The following BCL2L1 variants were observed in gnomAD, a reference collection of about 807,000 sequenced individuals.
BCL2L1 encodes bcl-2-like protein 1.
In BCL2L1, 1 loss-of-function variant was observed where a neutral mutation model predicts 18.7. That is an observed-to-expected ratio of 0.05 (90% confidence interval 0.02 to 0.25). The LOEUF is 0.25. Ranked by LOEUF, BCL2L1 falls within the 10% of genes least tolerant of loss-of-function variation. The probability of loss-of-function intolerance (pLI) is 1.00; values close to 1 mark genes in which losing one functional copy is unlikely to be tolerated. For synonymous variants in BCL2L1, 103 were observed against 122.7 expected, an observed-to-expected ratio of 0.84 and a Z score of 1.06; for missense variants, 207 against 304.9, an observed-to-expected ratio of 0.68 and a Z score of 2.39.
At chr20:31,699,229 G>A (rs1318327070) in intron 2 of BCL2L1, among the ~76,000 whole-genome samples, 1 of 152,232 alleles carries the variant, frequency 6.6e-6, no homozygotes, top group Non-Finnish European at 1.5e-5. Flanking sequence ...TACCATTCCA[G>A]TCATGACCCT....
At chr20:31,714,033 G>A (rs1490584649) in intron 2 of BCL2L1, among the ~76,000 whole-genome samples, 3 of 152,194 alleles carry the variant, frequency 2.0e-5, no homozygotes, top group African/African-American at 7.2e-5. Flanking sequence ...GCTGTAAGGT[G>A]TTACATAAAT....
intron 2 of BCL2L1, among the ~76,000 whole-genome samples, chr20:31,708,252 G>A (rs1297800374): frequency 1.3e-5 from 2 of 152,190 alleles, no homozygotes; most frequent in East Asian, 3.8e-4. Context: ...GGGCATGGGA[G>A]TATTTTCTCC....
At chr20:31,704,080 G>A (rs933388866) in intron 2 of BCL2L1, among the ~76,000 whole-genome samples, 18 of 149,466 alleles carry the variant, frequency 1.2e-4, no homozygotes, top group Non-Finnish European at 2.5e-4. Flanking sequence ...TTACAGGCAT[G>A]AGCCACTGCA....
intron 2 of BCL2L1, among the ~76,000 whole-genome samples, chr20:31,673,067 GCTTT>G (rs1455439958): frequency 5.1e-5 from 7 of 137,122 alleles, no homozygotes; most frequent in East Asian, 4.2e-4. Context: ...TGGTGTCCTT[GCTTT>G]TTTTTTTTTT....
At chr20:31,701,201 G>A (rs965949707) in intron 2 of BCL2L1, among the ~76,000 whole-genome samples, 4 of 152,008 alleles carry the variant, frequency 2.6e-5, no homozygotes, top group South Asian at 2.1e-4. Context: ...TTACAGGCAC[G>A]CGCCACCACA....
chr20:31,720,998 G>A, intron 2 of BCL2L1: 3 of 984,940 alleles, frequency 3.0e-6, no homozygotes, highest in Non-Finnish European at 3.6e-6. Context: ...CATGCAGAAA[G>A]TCGCACACTT....
chr20:31,723,920 G>C, upstream of BCL2L1: 1 of 985,442 alleles, frequency 1.0e-6, no homozygotes, highest in Non-Finnish European at 1.2e-6. Context: ...TTCCCCTGAA[G>C]AGACAGGGGA....
intron 2 of BCL2L1, among the ~76,000 whole-genome samples, chr20:31,667,417 C>G (rs1231532882): frequency 1.3e-5 from 2 of 150,244 alleles, no homozygotes; most frequent in Admixed American, 1.3e-4. Flanking sequence ...GCAGAAATCG[C>G]ACCACAGCAC....
At chr20:31,708,452 G>A (rs965929622) in intron 2 of BCL2L1, among the ~76,000 whole-genome samples, 6 of 152,232 alleles carry the variant, frequency 3.9e-5, no homozygotes, top group Non-Finnish European at 5.9e-5. Flanking sequence ...TGAACTGCAA[G>A]CTAAGCTGAC....
intron 2 of BCL2L1, among the ~76,000 whole-genome samples, chr20:31,694,158 G>A (rs765768345): frequency 1.3e-5 from 2 of 152,270 alleles, no homozygotes; most frequent in Admixed American, 6.5e-5. Context: ...GCACCTGTAG[G>A]GGGGGCTTCT....
At chr20:31,703,873 T>C (rs73613732) in intron 2 of BCL2L1, among the ~76,000 whole-genome samples, 5 of 133,518 alleles carry the variant, frequency 3.7e-5, no homozygotes, top group East Asian at 2.4e-4. Context: ...TCTTGGCTCA[T>C]TGCAACCTCT....
chr20:31,695,068 CTCT>C (rs760006694), intron 2 of BCL2L1, among the ~76,000 whole-genome samples: 584 of 152,254 alleles, frequency 3.8e-3, no homozygotes, highest in Middle Eastern at 0.024. Context: ...ACTCCTTTCT[CTCT>C]CACCTCTTAT....
intron 2 of BCL2L1, among the ~76,000 whole-genome samples, chr20:31,687,518 A>G (rs1020624810): frequency 6.6e-6 from 1 of 151,686 alleles, no homozygotes; most frequent in African/African-American, 2.4e-5. Context: ...TACTAAAAAT[A>G]CAAAAAAAAA....
At chr20:31,673,069 T>C (rs1019027578) in intron 2 of BCL2L1, among the ~76,000 whole-genome samples, 354 of 124,704 alleles carry the variant, frequency 2.8e-3, no homozygotes, top group Non-Finnish European at 4.5e-3. Flanking sequence ...GTGTCCTTGC[T>C]TTTTTTTTTT....
chr20:31,707,994 T>C (rs778632180), intron 2 of BCL2L1, among the ~76,000 whole-genome samples: 2 of 152,110 alleles, frequency 1.3e-5, no homozygotes, highest in Non-Finnish European at 2.9e-5. Flanking sequence ...ACACCAGGAA[T>C]ACCAGGAGCA....
chr20:31,688,487 AAAAG>A (rs2061001108), intron 2 of BCL2L1, among the ~76,000 whole-genome samples: 2 of 151,830 alleles, frequency 1.3e-5, no homozygotes, highest in African/African-American at 4.8e-5. Context: ...AAAAGAAAAG[AAAAG>A]AAAGAAAAAG....
intron 2 of BCL2L1, among the ~76,000 whole-genome samples, chr20:31,708,990 G>GC (rs1318590804): frequency 1.3e-5 from 2 of 152,236 alleles, no homozygotes; most frequent in African/African-American, 4.8e-5. Flanking sequence ...TCTGCAGGTT[G>GC]CAGGTGCCTC....
At chr20:31,710,577 G>A (rs546518913) in intron 2 of BCL2L1, among the ~76,000 whole-genome samples, 195 of 152,290 alleles carry the variant, frequency 1.3e-3, no homozygotes, top group Non-Finnish European at 2.1e-3. Context: ...CTAGGGAAAG[G>A]GTGCAGGTTG....
chr20:31,684,466 C>T (rs1474435411), intron 2 of BCL2L1, among the ~76,000 whole-genome samples: 1 of 152,094 alleles, frequency 6.6e-6, no homozygotes, highest in Non-Finnish European at 1.5e-5. Flanking sequence ...ACCAGACAGG[C>T]GTGGGGTTCA....
Sources: gnomAD v4.1 joint callset for allele counts (sites outside exome capture counted in the v4.1 genomes callset) on GRCh38, gnomAD v4.1.1 for gene constraint, MANE v1.5 for transcripts, NCBI Gene and HGNC (gene_info 2026-07-23, HGNC 2026-07-21) for gene names.